ZSWIM5: variants seen among roughly 807,000 people sequenced by gnomAD.
The protein encoded by ZSWIM5 is zinc finger SWIM domain-containing protein 5.
In ZSWIM5, 55 loss-of-function variants were observed where a neutral mutation model predicts 119.6. The observed-to-expected ratio is 0.46, with a 90% CI of 0.37 to 0.58. The LOEUF is 0.58. Ranked by LOEUF, ZSWIM5 falls within the 20% of genes least tolerant of loss-of-function variation. The pLI, the probability that ZSWIM5 is intolerant of heterozygous loss-of-function variation, is 0.00. For synonymous variants in ZSWIM5, 537 were observed against 606.9 expected, an observed-to-expected ratio of 0.88 and a Z score of 1.69; for missense variants, 1,193 against 1,512.8, an observed-to-expected ratio of 0.79 and a Z score of 3.51.
At chr1:45,182,027 T>C (rs1646022812) in intron 1 of ZSWIM5, among the ~76,000 whole-genome samples, 1 of 151,476 alleles carries the variant, frequency 6.6e-6, no homozygotes, top group African/African-American at 2.4e-5. Context: ...CATCAACTAA[T>C]GAGCAAAATA....
At chr1:45,117,112 A>G (rs1343434831) in intron 1 of ZSWIM5, among the ~76,000 whole-genome samples, 2 of 152,208 alleles carry the variant, frequency 1.3e-5, no homozygotes, top group Non-Finnish European at 2.9e-5. Flanking sequence ...CAAAAGACAG[A>G]AAAAAGGAAT....
chr1:45,092,304 GT>G (rs1283826860), intron 1 of ZSWIM5, among the ~76,000 whole-genome samples: 1 of 152,008 alleles, frequency 6.6e-6, no homozygotes. Flanking sequence ...TGGTTTGTTT[GT>G]TTGTTTTTTG....
intron 1 of ZSWIM5, among the ~76,000 whole-genome samples, chr1:45,182,827 T>G (rs570479844): frequency 6.6e-6 from 1 of 152,128 alleles, no homozygotes; most frequent in Non-Finnish European, 1.5e-5. Context: ...CTGTCAACAT[T>G]AGACAGATCA....
At chr1:45,192,373 T>C (rs1360342564) in intron 1 of ZSWIM5, among the ~76,000 whole-genome samples, 1 of 152,216 alleles carries the variant, frequency 6.6e-6, no homozygotes, top group African/African-American at 2.4e-5. Flanking sequence ...AGTGGAATCA[T>C]ATAATGTTTG....
intron 11 of ZSWIM5, among the ~76,000 whole-genome samples, chr1:45,029,303 A>T (rs1644938295): frequency 6.6e-6 from 1 of 152,200 alleles, no homozygotes; most frequent in Non-Finnish European, 1.5e-5. Flanking sequence ...CTTGACATTC[A>T]TGACCTTGAC....
chr1:45,041,204 G>C lies in ZSWIM5; in HGVS notation c.1610-666C>G, dbSNP rs78666953. On this transcript the variant is annotated intron_variant, in intron 6 of 13. Transcript: ENST00000359600. ...AATATATTAATAGCATCCATCTTCA[G>C]AGTATGGCAAATAGTTCCATGTAGT... Among the ~76,000 whole-genome samples the C allele has an allele frequency of 7.1e-3, 1,081 of 152,280 alleles. 11 individuals are homozygous for C. The highest frequency in any genetic ancestry group is 0.025 in the African/African-American group (1,041 of 41,550).
chr1:45,086,741 C>G (rs960486681), intron 2 of ZSWIM5, among the ~76,000 whole-genome samples: 8 of 152,046 alleles, frequency 5.3e-5, no homozygotes, highest in Middle Eastern at 3.4e-3. Context: ...TGTAACAAAC[C>G]TACACCTCGT....
intron 2 of ZSWIM5, among the ~76,000 whole-genome samples, chr1:45,070,889 G>C (rs1645217887): frequency 6.6e-6 from 1 of 152,190 alleles, no homozygotes; most frequent in Non-Finnish European, 1.5e-5. Context: ...CGTGCTTGGT[G>C]AGGGACACTC....
chr1:45,110,868 AC>A (rs1645512500), intron 1 of ZSWIM5, among the ~76,000 whole-genome samples: 1 of 152,112 alleles, frequency 6.6e-6, no homozygotes, highest in African/African-American at 2.4e-5. Flanking sequence ...AAAAACATTG[AC>A]TTTTAAGCTC....
intron 1 of ZSWIM5, among the ~76,000 whole-genome samples, chr1:45,160,286 T>A (rs1645855124): frequency 6.6e-6 from 1 of 152,202 alleles, no homozygotes; most frequent in Non-Finnish European, 1.5e-5. Context: ...TATTTATCAT[T>A]TCTATGTGTT....
rs1299886962 is a variant in ZSWIM5, at chr1:45,017,014, G to C, written c.*1440C>G. The C allele has an allele frequency of 2.0e-5, 3 of 152,370 alleles. No individual in the cohort carries two copies. Among genetic ancestry groups the C allele is most frequent in the African/African-American group, 7.2e-5 (3 of 41,450 alleles). The allele number at this position is 152,370 out of a possible 1,614,324, so 9.4% of individuals were successfully genotyped here. A position where few individuals can be genotyped will look rare whatever the true frequency, so the allele number is the denominator to read the frequency against. Reference sequence around the variant, plus strand: ...AGGAAGCTTGAGGTAGAAAGGCAGGGGAAGAAAGCAAGTATGAGGCGAGAA... The same window carrying C: ...AGGAAGCTTGAGGTAGAAAGGCAGGCGAAGAAAGCAAGTATGAGGCGAGAA... On this transcript the variant is annotated 3_prime_UTR_variant, in exon 14 of 14. Transcript: ENST00000359600.
chr1:45,025,669 C>T (rs1644916393), intron 11 of ZSWIM5, among the ~76,000 whole-genome samples: 1 of 152,162 alleles, frequency 6.6e-6, no homozygotes, highest in South Asian at 2.1e-4. Flanking sequence ...ATCTTATATA[C>T]TGCAAACTTG....
chr1:45,177,370 A>G (rs1196245401), intron 1 of ZSWIM5, among the ~76,000 whole-genome samples: 1 of 152,142 alleles, frequency 6.6e-6, no homozygotes, highest in Non-Finnish European at 1.5e-5. Context: ...ATTGGAACTG[A>G]AAAACCTACA....
Position 45,051,122 on chromosome 1 carries a change from G to C in ZSWIM5, c.1384C>G (p.Leu462Val). 6 of 1,614,196 alleles carry C rather than the reference G, an allele frequency of 3.7e-6. No individual in the cohort carries two copies. Among genetic ancestry groups the C allele is most frequent in the South Asian group, 1.1e-5 (1 of 91,082 alleles). Reference sequence around the variant, plus strand: ...GGAAGTGCATTGGTGATGTTGGGCAGCTCATGTCCATAGTTTCCATCCTCC... The same window carrying C: ...GGAAGTGCATTGGTGATGTTGGGCACCTCATGTCCATAGTTTCCATCCTCC... The part of the protein sequence containing the change: ...PLEDGNYGHE[L>V]PNITNALPQS... The change falls in exon 5 of 14, where the codon CTG becomes GTG. Residue 462 changes from leucine (L) to valine (V), a missense_variant. Leu to Val is a conservative substitution (Grantham distance 32). Coordinates refer to ENST00000359600, the MANE Select transcript of ZSWIM5 (RefSeq NM_020883.2).
chr1:45,035,934 C>G, intron 9 of ZSWIM5, 105 bp downstream of exon 9: 3 of 1,571,216 alleles, frequency 1.9e-6, no homozygotes, highest in Admixed American at 3.6e-5. Context: ...CCTTCATTCA[C>G]TACATTTTAA....
At chr1:45,022,030 AAAAAT>A (rs890436770) in intron 11 of ZSWIM5, among the ~76,000 whole-genome samples, 2 of 151,322 alleles carry the variant, frequency 1.3e-5, no homozygotes, top group African/African-American at 4.9e-5. Context: ...TCAAAAAAAA[AAAAAT>A]AAATAAGAGT....
intron 1 of ZSWIM5, among the ~76,000 whole-genome samples, chr1:45,141,926 A>G (rs557878712): frequency 6.6e-6 from 1 of 152,194 alleles, no homozygotes; most frequent in South Asian, 2.1e-4. Context: ...CTTTATCTGC[A>G]TTGTTTTTTG....
At chr1:45,128,573 A>G (rs1219946299) in intron 1 of ZSWIM5, among the ~76,000 whole-genome samples, 1 of 152,226 alleles carries the variant, frequency 6.6e-6, no homozygotes, top group African/African-American at 2.4e-5. Flanking sequence ...ACATAAATCA[A>G]TGGAACAGGG....
intron 1 of ZSWIM5, among the ~76,000 whole-genome samples, chr1:45,092,543 C>CT (rs1466702440): frequency 1.1e-5 from 1 of 94,856 alleles, no homozygotes; most frequent in Non-Finnish European, 2.5e-5. Flanking sequence ...GATCCACCCC[C>CT]CCCCCCCCGC....
Sources: allele counts gnomAD v4.1 joint callset (sites outside exome capture counted in the v4.1 genomes callset), GRCh38; gene constraint gnomAD v4.1.1; transcripts MANE v1.5; gene names NCBI Gene and HGNC (gene_info 2026-07-23, HGNC 2026-07-21).